The following DCLK1 variants were observed in gnomAD, a reference collection of about 807,000 sequenced individuals.
The protein encoded by DCLK1 is doublecortin like kinase 1.
Under a neutral mutation model 86.2 loss-of-function variants are expected in DCLK1, and 16 were observed. That is an observed-to-expected ratio of 0.19 (90% confidence interval 0.13 to 0.28). DCLK1 has a LOEUF of 0.28. Among genes scored for constraint, DCLK1 ranks in the 10% least tolerant of loss-of-function variants. The pLI is 1.00. For synonymous variants in DCLK1, 369 were observed against 370.5 expected (o/e 1.00, Z 0.05); for missense variants, 590 against 940.2 (o/e 0.63, Z 4.87).
chr13:35,981,007 G>A (rs1476712306), intron 3 of DCLK1, among the ~76,000 whole-genome samples: 3 of 151,630 alleles, frequency 2.0e-5, no homozygotes, highest in African/African-American at 7.3e-5. Flanking sequence ...ATGGATGGGG[G>A]AAAAAAATCC....
chr13:35,792,291 T>G (rs1007523268), intron 16 of DCLK1, among the ~76,000 whole-genome samples: 1 of 152,180 alleles, frequency 6.6e-6, no homozygotes. Context: ...TTGCAAATTC[T>G]GGAACCTCAT....
chr13:35,972,174 C>A (rs1183727292), intron 3 of DCLK1, among the ~76,000 whole-genome samples: 5 of 152,184 alleles, frequency 3.3e-5, no homozygotes, highest in Non-Finnish European at 1.5e-5. Flanking sequence ...TTCTCTCCTC[C>A]TCCTTCCTCT....
intron 3 of DCLK1, among the ~76,000 whole-genome samples, chr13:36,078,494 C>T (rs1484630867): frequency 1.3e-5 from 2 of 152,100 alleles, no homozygotes; most frequent in Non-Finnish European, 2.9e-5. Flanking sequence ...TAGAAATCTC[C>T]CACAATTCTT....
Position 36,013,683 on chromosome 13 carries a change from T to C in DCLK1, c.724-66226A>G, listed in dbSNP as rs548895879. Among the ~76,000 whole-genome samples the C allele has an allele frequency of 1.9e-3, 288 of 152,110 alleles. 1 individual carries two copies. The highest frequency in any genetic ancestry group is 6.6e-3 in the African/African-American group (273 of 41,430). ...GCAGAGGTTACTGCTGTCTTTTTGT[T>C]TGTCTGTGCCCTGCCCCCAGAGGTG... On this transcript the variant is annotated intron_variant, in intron 3 of 16. Transcript: ENST00000360631.
chr13:36,003,488 G>C (rs564981227), intron 3 of DCLK1, among the ~76,000 whole-genome samples: 1 of 152,084 alleles, frequency 6.6e-6, no homozygotes, highest in Admixed American at 6.6e-5. Context: ...CTTCTTATAG[G>C]TTATCATAAG....
chr13:35,991,622 C>A (rs1880232940), intron 3 of DCLK1, among the ~76,000 whole-genome samples: 1 of 152,148 alleles, frequency 6.6e-6, no homozygotes, highest in Admixed American at 6.5e-5. Flanking sequence ...TGTGATCATA[C>A]CACTGCACTA....
At chr13:36,011,194 T>C in intron 3 of DCLK1, among the ~76,000 whole-genome samples, 1 of 65,186 alleles carries the variant, frequency 1.5e-5, no homozygotes, top group Non-Finnish European at 3.0e-5. Flanking sequence ...GATTCATTGA[T>C]TTTTTGAAGG....
chr13:36,081,390 A>G lies in DCLK1; in HGVS notation c.723+30479T>C, dbSNP rs576479284. Among the ~76,000 whole-genome samples the G allele has an allele frequency of 2.4e-4, 37 of 152,240 alleles. No individual in the cohort carries two copies. In the South Asian group the frequency reaches 7.5e-3, roughly 31 times the overall value. On this transcript the variant is annotated intron_variant, in intron 3 of 16. Transcript: ENST00000360631. ...TTTTGGCCAAGTTATAAAAAATCTA[A>G]TGAAGCAGAAAAAAAAATTCAAAGT...
intron 16 of DCLK1, among the ~76,000 whole-genome samples, chr13:35,784,109 T>C (rs1199258774): frequency 1.3e-5 from 2 of 152,144 alleles, no homozygotes; most frequent in African/African-American, 2.4e-5. Context: ...GGAATGAATA[T>C]GTAGAAAAGA....
chr13:36,056,906 A>AATATATATAT (rs1555359542), intron 3 of DCLK1, among the ~76,000 whole-genome samples: 3 of 130,174 alleles, frequency 2.3e-5, no homozygotes, highest in Admixed American at 1.7e-4. Flanking sequence ...AAAAAAAAAA[A>AATATATATAT]ATATATATAT....
In DCLK1 at chr13:36,111,890, C is replaced by G. The variant is rs767676538; in HGVS notation, c.702G>C (p.Leu234=). Residue 234 remains leucine (L), a synonymous_variant, in exon 3 of 17, where the codon CTG becomes CTC. Coordinates refer to ENST00000360631, the MANE Select transcript of DCLK1 (RefSeq NM_001330071.2). Reference sequence around the variant, plus strand: ...TTACCTGTTTCCCATCCAACGTGTACAGGCGTTTCACCACTCCCGAGTCCA... The same window carrying G: ...TTACCTGTTTCCCATCCAACGTGTAGAGGCGTTTCACCACTCCCGAGTCCA... ...IKLDSGVVKR[L]YTLDGKQVMC... The G allele has an allele frequency of 6.2e-7, 1 of 1,613,676 alleles. No individual in the cohort carries two copies. The highest frequency in any genetic ancestry group is 1.1e-5 in the South Asian group (1 of 91,050).
chr13:35,995,204 C>A (rs1477666938), intron 3 of DCLK1, among the ~76,000 whole-genome samples: 3 of 152,120 alleles, frequency 2.0e-5, no homozygotes, highest in Non-Finnish European at 4.4e-5. Flanking sequence ...TCTTTTTCAC[C>A]TCAAATTACC....
At chr13:35,963,080 C>A (rs1021480007) in intron 3 of DCLK1, among the ~76,000 whole-genome samples, 1 of 152,170 alleles carries the variant, frequency 6.6e-6, no homozygotes, top group African/African-American at 2.4e-5. Context: ...TGCACTGCAG[C>A]GAATCAGCAG....
intron 13 of DCLK1, 94 bp downstream of exon 13, chr13:35,808,924 T>C (rs2087088048): frequency 9.5e-7 from 1 of 1,055,532 alleles, no homozygotes; most frequent in Non-Finnish European, 1.4e-6. Context: ...GCTCTTTTCC[T>C]GCTGCAGGCT....
Position 36,103,219 on chromosome 13 carries a change from G to A in DCLK1, c.723+8650C>T, listed in dbSNP as rs1357294686. On this transcript the variant is annotated intron_variant, in intron 3 of 16. Coordinates refer to ENST00000360631, the MANE Select transcript of DCLK1 (RefSeq NM_001330071.2). Reference sequence around the variant, plus strand: ...AGTTCGAGACCAGCCTGGCCAACATGGTGAAACCTTGTCTGTACTAAAAAT... The same window carrying A: ...AGTTCGAGACCAGCCTGGCCAACATAGTGAAACCTTGTCTGTACTAAAAAT... Among the ~76,000 whole-genome samples the A allele has an allele frequency of 5.9e-5, 9 of 152,018 alleles. No homozygotes were observed. In the East Asian group the frequency reaches 1.7e-3, roughly 29 times the overall value.
rs1465761045 is a variant in DCLK1, at chr13:35,774,436, C to T, written c.*99G>A. 18 of 1,401,852 alleles carry T rather than the reference C, an allele frequency of 1.3e-5. No individual in the cohort carries two copies. Among genetic ancestry groups the T allele is most frequent in the Non-Finnish European group, 1.7e-5 (18 of 1,030,050 alleles). 86.8% of individuals were successfully genotyped at this position (1,401,852 alleles called of 1,614,324 possible). On this transcript the variant is annotated 3_prime_UTR_variant, in exon 17 of 17. Coordinates refer to ENST00000360631, the MANE Select transcript of DCLK1 (RefSeq NM_001330071.2). ...TCAGTTCTGCCATTCAAGCATTGAG[C>T]GCTAGATAGATCAGATGAAACTGTT... is the stretch of plus-strand genomic sequence containing the variant.
chr13:36,121,146 T>C (rs1375942105), intron 2 of DCLK1, among the ~76,000 whole-genome samples: 3 of 152,232 alleles, frequency 2.0e-5, no homozygotes, highest in Non-Finnish European at 4.4e-5. Flanking sequence ...AAATTAATGA[T>C]GGTAACTTTG....
At chr13:35,846,401 G>C (rs1450852352) in intron 6 of DCLK1, 2 of 984,958 alleles carry the variant, frequency 2.0e-6, no homozygotes, top group Non-Finnish European at 2.4e-6. Flanking sequence ...CTACTACCCT[G>C]GCTTCAAAAA....
intron 8 of DCLK1, among the ~76,000 whole-genome samples, 166 bp from the exon 9 acceptor site, chr13:35,828,473 C>T (rs898572181): frequency 6.6e-5 from 10 of 151,890 alleles, no homozygotes; most frequent in African/African-American, 1.7e-4. Context: ...AATATGTAAA[C>T]GTTGATGGAC....
Sources: allele counts gnomAD v4.1 joint callset (sites outside exome capture counted in the v4.1 genomes callset), GRCh38; gene constraint gnomAD v4.1.1; transcripts MANE v1.5; gene names NCBI Gene and HGNC (gene_info 2026-07-23, HGNC 2026-07-21).